MYLK: variants seen among roughly 807,000 people sequenced by gnomAD.
MYLK encodes the protein myosin light chain kinase, also known as myosin light chain kinase, smooth muscle.
A neutral mutation model predicts 203.4 loss-of-function variants in MYLK; 106 were observed. The ratio of observed to expected loss-of-function variants is 0.52; its 90% CI spans 0.45 to 0.61. The LOEUF (loss-of-function observed/expected upper bound fraction) is 0.61. MYLK is among the 20% of genes least tolerant of loss of function. The probability of loss-of-function intolerance (pLI) is 0.00; values close to 1 mark genes in which losing one functional copy is unlikely to be tolerated. For synonymous variants in MYLK, 867 were observed against 959.5 expected (o/e 0.90, Z 1.78); for missense variants, 2,072 against 2,442.3 (o/e 0.85, Z 3.20).
intron 11 of MYLK, 77 bp downstream of exon 11, chr3:123,732,819 C>A (rs983014468): frequency 7.8e-6 from 11 of 1,415,310 alleles, no homozygotes; most frequent in Non-Finnish European, 6.9e-6. Flanking sequence ...AGGAGATGAA[C>A]CATCTGCAGA....
intron 2 of MYLK, among the ~76,000 whole-genome samples, chr3:123,848,292 CT>C (rs1450699395): frequency 6.8e-6 from 1 of 148,122 alleles, no homozygotes; most frequent in Non-Finnish European, 1.5e-5. Context: ...ATCTATATCA[CT>C]TTTTTAATCC....
chr3:123,868,467 C>T (rs928751908), intron 2 of MYLK, among the ~76,000 whole-genome samples: 9 of 152,112 alleles, frequency 5.9e-5, no homozygotes, highest in Non-Finnish European at 1.0e-4. Context: ...TACTATGTGC[C>T]AGGCATTCCC....
At chr3:123,749,804 A>G (rs2063140362) in intron 5 of MYLK, among the ~76,000 whole-genome samples, 1 of 152,258 alleles carries the variant, frequency 6.6e-6, no homozygotes, top group African/African-American at 2.4e-5. Context: ...GTTAGAAATT[A>G]GTAGAGCTAA....
At chr3:123,708,176 C>T (rs2061537179) in intron 15 of MYLK, among the ~76,000 whole-genome samples, 173 bp from the exon 16 acceptor site, 1 of 152,184 alleles carries the variant, frequency 6.6e-6, no homozygotes, top group Non-Finnish European at 1.5e-5. Flanking sequence ...CATTGCACAT[C>T]CATCTCGGAT....
chr3:123,780,851 C>T (rs1168695380), intron 4 of MYLK, among the ~76,000 whole-genome samples: 1 of 152,162 alleles, frequency 6.6e-6, no homozygotes, highest in East Asian at 1.9e-4. Context: ...AAGAGATTGT[C>T]TAGAGGCTCA....
At position 123,700,158 on chromosome 3, in the gene MYLK, G is replaced by C. The variant is rs201094648; in HGVS notation, c.3310C>G (p.Leu1104Val). Residue 1104 changes from leucine to valine, a missense_variant, in exon 18 of 34, where the codon CTG becomes GTG. Around this residue, in one of 3 missense-constraint regions of MYLK, gnomAD observed 865 missense variants for 1,016.0 expected, o/e 0.85. Coordinates refer to ENST00000360304, the MANE Select transcript of MYLK (RefSeq NM_053025.4). The part of the protein sequence containing the change: ...QGTAPAFKQK[L>V]QDVHVAEGKK... The stretch of plus-strand genomic sequence containing the variant: ...CCCTCTGCCACATGAACATCTTGCA[G>C]CTTCTGCTTGAAGGCTGGGGCTGTC... 6.2e-7 allele frequency: 1 copy of C among 1,613,922 alleles called. No homozygotes were observed. The highest frequency in any genetic ancestry group is 1.3e-5 in the African/African-American group (1 of 74,934).
In MYLK at chr3:123,640,521, A is replaced by C; in HGVS notation, c.4620-17T>G. On this transcript the variant is annotated splice_polypyrimidine_tract_variant and intron_variant, in intron 27 of 33. Transcript: ENST00000360304. This position sits in a 1 kb window ranked among gnomAD's most constrained non-coding sequence, Gnocchi z 4.3. ...CCTGACACGCTGCGGGAACACGTGC[A>C]CGGGGTGGTCAGGCCACAGGCTCAT... 6.2e-7 allele frequency: 1 copy of C among 1,613,360 alleles called. No homozygotes were observed. The highest frequency in any genetic ancestry group is 1.1e-5 in the South Asian group (1 of 91,056).
chr3:123,874,593 T>C (rs1007498897), intron 2 of MYLK, among the ~76,000 whole-genome samples: 2 of 152,128 alleles, frequency 1.3e-5, no homozygotes, highest in Non-Finnish European at 2.9e-5. Flanking sequence ...TTCTTAGATA[T>C]AACAGCAAAA....
At chr3:123,618,967 T>C (rs558503930) in intron 32 of MYLK, among the ~76,000 whole-genome samples, 197 bp from the exon 33 acceptor site, 2 of 152,344 alleles carry the variant, frequency 1.3e-5, no homozygotes, top group East Asian at 3.9e-4. Flanking sequence ...AAGAAGGAAC[T>C]GTGCCCAAGC....
Position 123,612,556 on chromosome 3 carries a change from A to G in MYLK, c.*1549T>C, listed in dbSNP as rs951121151. On this transcript the variant is annotated 3_prime_UTR_variant, in exon 34 of 34. Coordinates refer to ENST00000360304, the MANE Select transcript of MYLK (RefSeq NM_053025.4). The stretch of plus-strand genomic sequence containing the variant: ...CTAAATCAAATAAAAACCCTTTATT[A>G]TAATAAACTGTGGCAATACTGTGGC... 1.3e-5 allele frequency: 2 copies of G among 152,680 alleles called. No individual in the cohort carries two copies. Among genetic ancestry groups the G allele is most frequent in the Non-Finnish European group, 2.9e-5 (2 of 68,044 alleles). 9.5% of individuals were successfully genotyped at this position (152,680 alleles called of 1,614,324 possible).
At chr3:123,622,268 C>A (rs1399648196) in intron 31 of MYLK, 1 of 152,260 alleles carries the variant, frequency 6.6e-6, no homozygotes, top group African/African-American at 2.4e-5. Flanking sequence ...TCATTCCCAA[C>A]AAGGGACAGG....
Position 123,734,113 on chromosome 3 carries a change from T to G in MYLK, c.883A>C (p.Lys295Gln), listed in dbSNP as rs555917795. Residue 295 changes from lysine to glutamine, a missense_variant, in exon 10 of 34, where the codon AAG becomes CAG. Around this residue, in one of 3 missense-constraint regions of MYLK, gnomAD observed 683 missense variants for 643.8 expected, o/e 1.06. Transcript: ENST00000360304. The stretch of plus-strand genomic sequence containing the variant: ...CCTCTCTGGGGGCTGGAGCAGTTCT[T>G]GCTTTTGGCTGCAGCCTCCAGACTG... Reference protein sequence around the residue: ...LDSLEAAAKSKNCSSPQRGGS... With the variant: ...LDSLEAAAKSQNCSSPQRGGS... 1 of 1,601,212 alleles carries G rather than the reference T, an allele frequency of 6.2e-7. No homozygotes were observed.
intron 26 of MYLK, 31 bp from the exon 27 acceptor site, chr3:123,647,458 C>G: frequency 6.2e-7 from 1 of 1,605,914 alleles, no homozygotes; most frequent in Non-Finnish European, 8.5e-7. Context: ...AGAGAAAAGC[C>G]ACATTTAGCC....
Position 123,768,482 on chromosome 3 carries a change from C to A in MYLK, c.166-15944G>T, listed in dbSNP as rs558228044. Among the ~76,000 whole-genome samples the A allele has an allele frequency of 1.4e-3, 211 of 152,308 alleles. 2 individuals carry two copies. The Middle Eastern group carries it at 0.02, about 15-fold the overall frequency. ...CTGACCTGAATGACCCACCCAGCCCCTCTCTAAGGCAAAGACCCCTAACAC... is the reference window on the plus strand; with the variant it reads ...CTGACCTGAATGACCCACCCAGCCCATCTCTAAGGCAAAGACCCCTAACAC... On this transcript the variant is annotated intron_variant, in intron 4 of 33. Transcript: ENST00000360304.
intron 27 of MYLK, among the ~76,000 whole-genome samples, chr3:123,641,749 C>T (rs1370623625): frequency 1.3e-5 from 2 of 149,324 alleles, no homozygotes; most frequent in South Asian, 2.1e-4. Flanking sequence ...TTCCTCCCTC[C>T]GTCCCTCTCT....
At chr3:123,633,156 C>T (rs537793598) in intron 29 of MYLK, among the ~76,000 whole-genome samples, 3 of 151,936 alleles carry the variant, frequency 2.0e-5, no homozygotes, top group Non-Finnish European at 2.9e-5. Context: ...GACAGAGTCT[C>T]GCTCTGTCAC....
intron 19 of MYLK, among the ~76,000 whole-genome samples, chr3:123,683,966 G>A (rs1012076888): frequency 6.6e-6 from 1 of 152,166 alleles, no homozygotes; most frequent in African/African-American, 2.4e-5. Context: ...CTGCTATCTG[G>A]AGTGGACACT....
rs756451726 is a variant in MYLK at position 123,700,605 on chromosome 3, A to T, written c.2863T>A (p.Ser955Thr). The T allele has an allele frequency of 1.9e-6, 3 of 1,613,820 alleles. No homozygotes were observed. The highest frequency in any genetic ancestry group is 1.7e-6 in the Non-Finnish European group (2 of 1,180,022). Residue 955 changes from serine (S) to threonine (T), a missense_variant, in exon 18 of 34, where the codon TCT becomes ACT. Around this residue, in one of 3 missense-constraint regions of MYLK, gnomAD observed 865 missense variants for 1,016.0 expected, o/e 0.85. Coordinates refer to ENST00000360304, the MANE Select transcript of MYLK (RefSeq NM_053025.4). Reference sequence around the variant, plus strand: ...GAAGTCCCCTTCTTGGCCAGGACAGAGCGAAAATCGACCTGCTGGGGGCTG... The same window carrying T: ...GAAGTCCCCTTCTTGGCCAGGACAGTGCGAAAATCGACCTGCTGGGGGCTG... ...VHSPQQVDFR[S>T]VLAKKGTSKT...
At chr3:123,850,517 T>C (rs947964988) in intron 2 of MYLK, among the ~76,000 whole-genome samples, 1 of 152,236 alleles carries the variant, frequency 6.6e-6, no homozygotes, top group African/African-American at 2.4e-5. Flanking sequence ...TTTTTTCATT[T>C]GTCTTTTGGC....
Sources: allele counts gnomAD v4.1 joint callset (sites outside exome capture counted in the v4.1 genomes callset), GRCh38; gene constraint gnomAD v4.1.1; regional missense constraint gnomAD v4.1.1; non-coding constraint Gnocchi (gnomAD v3.1); transcripts MANE v1.5; gene names NCBI Gene and HGNC (gene_info 2026-07-23, HGNC 2026-07-21).